Variants in PLEKHG1 observed in about 807,000 individuals in gnomAD.
The protein encoded by PLEKHG1 is pleckstrin homology domain-containing family G member 1.
In PLEKHG1, 44 loss-of-function variants were observed where a neutral mutation model predicts 100.8. That is an observed-to-expected ratio of 0.44 (90% CI 0.34 to 0.56). PLEKHG1 has a LOEUF of 0.56. Ranked by LOEUF, PLEKHG1 falls within the 20% of genes least tolerant of loss-of-function variation. The probability of loss-of-function intolerance (pLI) is 0.01; values close to 1 mark genes in which losing one functional copy is unlikely to be tolerated. For missense variants in PLEKHG1, 1,545 were observed against 1,720.9 expected (o/e 0.90, Z 1.81); for synonymous variants, 640 against 662.5 (o/e 0.97, Z 0.52).
At chr6:150,835,086 C>G (rs1293288417) in intron 15 of PLEKHG1, among the ~76,000 whole-genome samples, 1 of 152,202 alleles carries the variant, frequency 6.6e-6, no homozygotes, top group African/African-American at 2.4e-5. Context: ...CCTTATTCAC[C>G]TGCCGAAACT....
intron 3 of PLEKHG1, among the ~76,000 whole-genome samples, chr6:150,657,568 G>A (rs1779017891): frequency 6.6e-6 from 1 of 152,110 alleles, no homozygotes; most frequent in Non-Finnish European, 1.5e-5. Context: ...TCATTGTATT[G>A]GTAGATTATC....
chr6:150,625,418 TCTC>T (rs1229608203), intron 1 of PLEKHG1, among the ~76,000 whole-genome samples: 3 of 152,136 alleles, frequency 2.0e-5, no homozygotes, highest in African/African-American at 7.2e-5. Context: ...TGTGTCCTGA[TCTC>T]CTCTTAGTAT....
intron 2 of PLEKHG1, among the ~76,000 whole-genome samples, chr6:150,760,729 T>G (rs1347638586): frequency 1.3e-5 from 2 of 151,052 alleles, no homozygotes; most frequent in Non-Finnish European, 2.9e-5. Context: ...TCTGGAAAGA[T>G]ATTTCAGTAT....
intron 1 of PLEKHG1, among the ~76,000 whole-genome samples, chr6:150,620,737 G>T (rs1431128716): frequency 2.0e-5 from 3 of 152,194 alleles, no homozygotes; most frequent in Non-Finnish European, 4.4e-5. Flanking sequence ...TCAATCAGTT[G>T]CACCATGCAT....
chr6:150,827,859 G>A, intron 14 of PLEKHG1: 2 of 1,450,508 alleles, frequency 1.4e-6, no homozygotes, highest in Non-Finnish European at 1.9e-6. Context: ...GTTTAATGAG[G>A]AGGATGAATG....
chr6:150,804,585 A>C, intron 6 of PLEKHG1, 25 bp from the exon 8 acceptor site: 1 of 1,550,980 alleles, frequency 6.4e-7, no homozygotes, highest in Non-Finnish European at 8.7e-7. Flanking sequence ...AAAAAAAAAA[A>C]AACCCTCGTT....
At chr6:150,839,354 G>A (rs1452598495) in intron 15 of PLEKHG1, among the ~76,000 whole-genome samples, 2 of 152,188 alleles carry the variant, frequency 1.3e-5, no homozygotes, top group African/African-American at 4.8e-5. Flanking sequence ...GACCTCAAGT[G>A]ATCCACCTGG....
intron 4 of PLEKHG1, among the ~76,000 whole-genome samples, chr6:150,795,539 T>C (rs1786273851): frequency 6.6e-6 from 1 of 151,812 alleles, no homozygotes; most frequent in African/African-American, 2.4e-5. Context: ...TTTGGCAGTC[T>C]AGGAAAACAT....
intron 1 of PLEKHG1, chr6:150,605,569 A>G (rs1776568192): frequency 6.6e-6 from 1 of 152,216 alleles, no homozygotes; most frequent in Non-Finnish European, 1.5e-5. Flanking sequence ...CCTGACCAAT[A>G]CAAGAGAGAC....
intron 3 of PLEKHG1, among the ~76,000 whole-genome samples, chr6:150,676,796 C>T (rs1237214077): frequency 6.6e-6 from 1 of 152,146 alleles, no homozygotes; most frequent in African/African-American, 2.4e-5. Context: ...CATTATTTTC[C>T]TGAGTCACCC....
At chr6:150,635,165 C>A (rs1283510968) in intron 1 of PLEKHG1, among the ~76,000 whole-genome samples, 1 of 152,160 alleles carries the variant, frequency 6.6e-6, no homozygotes, top group Non-Finnish European at 1.5e-5. Flanking sequence ...CATTTCATTA[C>A]CTTTACTCCA....
At chr6:150,681,457 T>G (rs9371467) in intron 3 of PLEKHG1, among the ~76,000 whole-genome samples, 1 of 150,584 alleles carries the variant, frequency 6.6e-6, no homozygotes, top group African/African-American at 2.4e-5. Flanking sequence ...GGTGGCAGTG[T>G]GCCAAGATTG....
chr6:150,615,488 GCAC>G (rs1777034468), intron 1 of PLEKHG1, among the ~76,000 whole-genome samples: 1 of 152,112 alleles, frequency 6.6e-6, no homozygotes, highest in Non-Finnish European at 1.5e-5. Flanking sequence ...CCAAAAGCTG[GCAC>G]CTGGTTTATT....
At chr6:150,666,137 A>C (rs1423790938) in intron 3 of PLEKHG1, among the ~76,000 whole-genome samples, 1 of 152,196 alleles carries the variant, frequency 6.6e-6, no homozygotes, top group Non-Finnish European at 1.5e-5. Context: ...CCCTGGCAGT[A>C]CTCTGGATGA....
In PLEKHG1 at chr6:150,650,038, A is replaced by G. The variant is rs1003970280; in HGVS notation, c.-157-690A>G. Among the ~76,000 whole-genome samples, 3 of 142,856 alleles carry G rather than the reference A, an allele frequency of 2.1e-5. No individual in the cohort carries two copies. The South Asian group carries it at 6.9e-4, about 33-fold the overall frequency. The allele number at this position is 142,856 out of a possible 152,430, so 93.7% of individuals were successfully genotyped here. A position where few individuals can be genotyped will look rare whatever the true frequency, so the allele number is the denominator to read the frequency against. On this transcript the variant is annotated intron_variant, in intron 2 of 3. Transcript: ENST00000367326. Reference sequence around the variant, plus strand: ...AAAAAATAAATAAATAAAAATAAAGACGAGAGCAAAACTTTGTCTCAAAAA... The same window carrying G: ...AAAAAATAAATAAATAAAAATAAAGGCGAGAGCAAAACTTTGTCTCAAAAA...
At chr6:150,645,791 T>C (rs770507617) in intron 2 of PLEKHG1, among the ~76,000 whole-genome samples, 14 of 151,720 alleles carry the variant, frequency 9.2e-5, no homozygotes, top group Admixed American at 4.6e-4. Context: ...ACACTATGGG[T>C]GGAGTGTAAA....
Position 150,840,654 on chromosome 6 carries a change from T to C in PLEKHG1, c.3916T>C (p.Phe1306Leu), listed in dbSNP as rs773099961. Residue 1306 changes from phenylalanine (F) to leucine (L), a missense_variant, in exon 16 of 16, where the codon TTT becomes CTT. Physicochemically the swap from Phe to Leu is conservative, Grantham distance 22. Coordinates refer to ENST00000358517, the Ensembl canonical transcript of PLEKHG1. ...TCGTAGAAGGAAATCTGACTCAAAG[T>C]TTGTGGATGCTGACTTTTCTGATAA... 3 of 1,614,076 alleles carry C rather than the reference T, an allele frequency of 1.9e-6. No homozygotes were observed. The African/African-American group carries it at 4.0e-5, about 22-fold the overall frequency.
At chr6:150,781,150 C>T (rs962789053) in intron 3 of PLEKHG1, among the ~76,000 whole-genome samples, 1 of 148,844 alleles carries the variant, frequency 6.7e-6, no homozygotes, top group Admixed American at 6.7e-5. Flanking sequence ...GCTGGGATTA[C>T]AGGTGTAAGC....
chr6:150,604,920 TCTC>T (rs1203372513), intron 1 of PLEKHG1, among the ~76,000 whole-genome samples: 1 of 152,184 alleles, frequency 6.6e-6, no homozygotes, highest in African/African-American at 2.4e-5. Context: ...TATCTACTCT[TCTC>T]CTGATACCTC....
Sources: allele counts gnomAD v4.1 joint callset (sites outside exome capture counted in the v4.1 genomes callset), GRCh38; gene constraint gnomAD v4.1.1; transcripts MANE v1.5; gene names NCBI Gene and HGNC (gene_info 2026-07-23, HGNC 2026-07-21).